The following SRGAP3 variants were observed in gnomAD, a reference collection of about 807,000 sequenced individuals.
The protein encoded by SRGAP3 is SLIT-ROBO Rho GTPase activating protein 3.
In SRGAP3, 39 loss-of-function variants were observed where a neutral mutation model predicts 121.1. That is an observed-to-expected ratio of 0.32 (90% CI 0.25 to 0.42). SRGAP3 has a LOEUF of 0.42. SRGAP3 is among the 10% of genes least tolerant of loss of function. The pLI is 1.00. For missense variants in SRGAP3, 1,213 were observed against 1,470.6 expected (o/e 0.82, Z 2.86); for synonymous variants, 601 against 570.0 (o/e 1.05, Z -0.77).
intron 12 of SRGAP3, among the ~76,000 whole-genome samples, chr3:9,030,682 A>G (rs1307579729): frequency 2.6e-5 from 4 of 151,880 alleles, no homozygotes; most frequent in Admixed American, 6.6e-5. Context: ...GGACCCCTCT[A>G]TTACGAAAAT....
intron 1 of SRGAP3, among the ~76,000 whole-genome samples, chr3:9,358,865 C>T (rs2030656381): frequency 6.6e-6 from 1 of 152,180 alleles, no homozygotes; most frequent in Non-Finnish European, 1.5e-5. Context: ...GGACACCCAT[C>T]AGAGGGCCCT....
intron 3 of SRGAP3, among the ~76,000 whole-genome samples, chr3:9,322,903 A>G (rs1955461001): frequency 6.6e-6 from 1 of 151,956 alleles, no homozygotes; most frequent in Admixed American, 6.5e-5. Context: ...TAGCAGCTCT[A>G]TTCATACTCA....
chr3:9,022,915 C>T (rs887909939), intron 14 of SRGAP3, among the ~76,000 whole-genome samples: 16 of 152,230 alleles, frequency 1.1e-4, no homozygotes, highest in Non-Finnish European at 2.1e-4. Context: ...CTGCCTGAGG[C>T]AACCCAAGGC....
At chr3:9,029,810 C>T (rs1211090049) in intron 12 of SRGAP3, among the ~76,000 whole-genome samples, 1 of 152,126 alleles carries the variant, frequency 6.6e-6, no homozygotes, top group East Asian at 1.9e-4. Flanking sequence ...TTGAACTGTG[C>T]TGATGGTATG....
intron 3 of SRGAP3, among the ~76,000 whole-genome samples, chr3:9,303,349 C>T (rs1039651159): frequency 1.3e-4 from 19 of 151,002 alleles, no homozygotes; most frequent in Admixed American, 4.6e-4. Context: ...TGCTTGAACC[C>T]GGGAGGTGGA....
chr3:9,137,916 G>C (rs1261360174), intron 1 of SRGAP3, among the ~76,000 whole-genome samples: 1 of 152,242 alleles, frequency 6.6e-6, no homozygotes, highest in Non-Finnish European at 1.5e-5. Flanking sequence ...CTGAGTTAAA[G>C]CTGGCTGGGT....
At chr3:9,100,448 C>T (rs1037753773) in intron 3 of SRGAP3, among the ~76,000 whole-genome samples, 1 of 152,070 alleles carries the variant, frequency 6.6e-6, no homozygotes, top group African/African-American at 2.4e-5. Flanking sequence ...AAGGTGACAC[C>T]GAGGAGGAAG....
At chr3:9,145,131 C>T (rs1209196698) in intron 1 of SRGAP3, among the ~76,000 whole-genome samples, 7 of 151,970 alleles carry the variant, frequency 4.6e-5, no homozygotes, top group South Asian at 4.2e-4. Context: ...GGTCTCACTC[C>T]GTCATCCAGG....
At chr3:9,248,242 C>T (rs1261456288) in intron 1 of SRGAP3, among the ~76,000 whole-genome samples, 1 of 152,196 alleles carries the variant, frequency 6.6e-6, no homozygotes, top group Non-Finnish European at 1.5e-5. Flanking sequence ...CTGCACACTG[C>T]GAGATAATAC....
chr3:9,098,980 T>G (rs1948100196), intron 3 of SRGAP3, among the ~76,000 whole-genome samples: 1 of 152,054 alleles, frequency 6.6e-6, no homozygotes. Flanking sequence ...CTCTCCCTCC[T>G]CCTTCCCCAT....
At chr3:9,086,781 ATG>A (rs1196204083) in intron 3 of SRGAP3, among the ~76,000 whole-genome samples, 2 of 147,108 alleles carry the variant, frequency 1.4e-5, no homozygotes, top group Non-Finnish European at 3.0e-5. Context: ...TGTATTTTAT[ATG>A]TATATATGTA....
intron 3 of SRGAP3, among the ~76,000 whole-genome samples, chr3:9,086,686 A>G (rs1947497578): frequency 6.8e-6 from 1 of 148,134 alleles, no homozygotes; most frequent in Non-Finnish European, 1.5e-5. Flanking sequence ...TATATTATAT[A>G]TGTATACATA....
chr3:9,013,545 A>C lies in SRGAP3; in HGVS notation c.1920-10T>G, dbSNP rs772321503. On this transcript the variant is annotated splice_polypyrimidine_tract_variant and intron_variant, in intron 16 of 21. Coordinates refer to ENST00000383836, the MANE Select transcript of SRGAP3 (RefSeq NM_014850.4). ...GCTATACTGGGAGAGGCTAGGAGAG[A>C]GGAGTTACCCACAAGTCATCTGGGA... 10 of 1,613,700 alleles carry C rather than the reference A, an allele frequency of 6.2e-6. No homozygotes were observed. In the South Asian group the frequency reaches 8.8e-5, roughly 14 times the overall value.
At chr3:9,065,292 A>G (rs1331504635) in intron 4 of SRGAP3, 2 of 152,388 alleles carry the variant, frequency 1.3e-5, no homozygotes, top group East Asian at 3.8e-4. Flanking sequence ...TATTGTTATT[A>G]CAGGGGAAAT....
rs531883497 is a variant in SRGAP3, at chr3:9,240,016, C to T, written c.67+8869G>A. Among the ~76,000 whole-genome samples the T allele has an allele frequency of 6.6e-5, 10 of 152,272 alleles. No individual in the cohort carries two copies. The East Asian group carries it at 1.7e-3, about 26-fold the overall frequency. On this transcript the variant is annotated intron_variant, in intron 1 of 21. Coordinates refer to ENST00000383836, the MANE Select transcript of SRGAP3 (RefSeq NM_014850.4). ...AGGAAACTCCATGGGCCCTACTGAG[C>T]GATTCACACTTAACACAAGCAAGAT... is the stretch of plus-strand genomic sequence containing the variant.
Position 9,027,120 on chromosome 3 carries a change from C to A in SRGAP3, c.1540-125G>T, listed in dbSNP as rs931778860. 4 of 878,954 alleles carry A rather than the reference C, an allele frequency of 4.6e-6. No homozygotes were observed. In the Admixed American group the frequency reaches 7.0e-5, roughly 15 times the overall value. The allele number at this position is 878,954 out of a possible 1,614,324, so 54.4% of individuals were successfully genotyped here. ...ACCATCAGATTAGTAGGAAAACAAGCAAGGAACTGCTAATCCTAAAGTCTC... is the reference window on the plus strand; with the variant it reads ...ACCATCAGATTAGTAGGAAAACAAGAAAGGAACTGCTAATCCTAAAGTCTC... On this transcript the variant is annotated intron_variant, in intron 12 of 21. Transcript: ENST00000383836.
intron 14 of SRGAP3, among the ~76,000 whole-genome samples, chr3:9,020,612 A>G (rs1282819686): frequency 6.6e-6 from 1 of 152,198 alleles, no homozygotes; most frequent in Non-Finnish European, 1.5e-5. Context: ...GCACACATAC[A>G]CATACACACG....
upstream of SRGAP3, among the ~76,000 whole-genome samples, chr3:9,253,252 T>C (rs1954056276): frequency 6.6e-6 from 1 of 152,236 alleles, no homozygotes; most frequent in South Asian, 2.1e-4. Flanking sequence ...TGCACGATTC[T>C]ATCCCGGAGG....
chr3:9,106,197 G>A (rs1948414462), intron 2 of SRGAP3, among the ~76,000 whole-genome samples: 1 of 152,236 alleles, frequency 6.6e-6, no homozygotes, highest in Non-Finnish European at 1.5e-5. Flanking sequence ...GGAAGAGAAA[G>A]GTCAATTCAA....
Sources: gnomAD v4.1 joint callset for allele counts (sites outside exome capture counted in the v4.1 genomes callset) on GRCh38, gnomAD v4.1.1 for gene constraint, MANE v1.5 for transcripts, NCBI Gene and HGNC (gene_info 2026-07-23, HGNC 2026-07-21) for gene names.